The following CD5L variants were observed in gnomAD, a reference collection of about 807,000 sequenced individuals.
The protein encoded by CD5L is CD5 molecule like, also known as CD5 antigen-like.
CD5L carries 39 observed loss-of-function variants against 40.8 expected under a neutral mutation model. The observed-to-expected ratio is 0.96, with a 90% CI of 0.74 to 1.25. The LOEUF (loss-of-function observed/expected upper bound fraction) is 1.25, where lower values mean the gene tolerates loss of function less well. CD5L is among the 50% of genes most tolerant of loss of function. The pLI is 0.00. For missense variants in CD5L, 433 were observed against 435.9 expected (o/e 0.99, Z 0.06); for synonymous variants, 192 against 169.6 (o/e 1.13, Z -1.03).
rs181625545 is a variant in CD5L at position 157,835,635 on chromosome 1, G to T, written c.376+200C>A. 2.0e-5 allele frequency among the ~76,000 whole-genome samples: 3 copies of T among 152,286 alleles called. No individual in the cohort carries two copies. The East Asian group carries it at 5.8e-4, about 29-fold the overall frequency. ...GATTGAAACTAAGATGAAAGCATTT[G>T]CTCAACCAAGTAGGAATTGCAGTTC... On this transcript the variant is annotated intron_variant, in intron 3 of 5. Coordinates refer to ENST00000368174, the MANE Select transcript of CD5L (RefSeq NM_005894.3).
At chr1:157,829,432 A>G (rs566857525), downstream of CD5L, among the ~76,000 whole-genome samples, 14 of 152,326 alleles carry the variant, frequency 9.2e-5, no homozygotes, top group African/African-American at 2.9e-4. Context: ...ACCCACCTTC[A>G]CTAGACCTTT....
At chr1:157,833,701 G>T (rs1029697153) in intron 4 of CD5L, among the ~76,000 whole-genome samples, 189 bp from the exon 5 acceptor site, 1 of 151,526 alleles carries the variant, frequency 6.6e-6, no homozygotes, top group South Asian at 2.1e-4. Flanking sequence ...AACCTCGAGG[G>T]CCCTAGTGAT....
chr1:157,830,900 C>T (rs1024121961), downstream of CD5L: 21 of 969,446 alleles, frequency 2.2e-5, no homozygotes, highest in African/African-American at 1.9e-4. Flanking sequence ...GCATATCACA[C>T]AGAGAGGCAA....
chr1:157,834,563 G>C lies in CD5L; in HGVS notation c.562C>G (p.Gln188Glu). The change falls in exon 4 of 6, where the codon CAA (glutamine) becomes GAA (glutamate). Residue 188 changes from glutamine (Q) to glutamate (E), a missense_variant. Transcript: ENST00000368174. The part of the protein sequence containing the change: ...QLGCGRAVLT[Q>E]KRCNKHAYGR... ...TAGGCATGCTTGTTGCAGCGTTTTT[G>C]AGTCAGTACAGCCCTCCCACATCCC... The C allele has an allele frequency of 6.2e-7, 1 of 1,614,202 alleles. No individual in the cohort carries two copies. Among genetic ancestry groups the C allele is most frequent in the Non-Finnish European group, 8.5e-7 (1 of 1,180,020 alleles).
At chr1:157,832,691 G>A (rs1025133665) in intron 5 of CD5L, among the ~76,000 whole-genome samples, 2 of 152,164 alleles carry the variant, frequency 1.3e-5, no homozygotes, top group Non-Finnish European at 2.9e-5. Flanking sequence ...ATCTAGGAGT[G>A]ATGACAAATG....
At position 157,839,411 on chromosome 1, in the gene CD5L, C is replaced by T; in HGVS notation, c.29-1G>A. The T allele has an allele frequency of 6.2e-7, 1 of 1,612,922 alleles. No homozygotes were observed. The highest frequency in any genetic ancestry group is 1.1e-5 in the South Asian group (1 of 90,958). ...AGGAATCCAGGTCTGGTGCAAATGG[C>T]TGGGGAAGAAAGAAGGAAATGAGTG... is the stretch of plus-strand genomic sequence containing the variant. On this transcript the variant is annotated splice_acceptor_variant, in intron 1 of 5. Transcript: ENST00000368174. LOFTEE classifies it high-confidence loss of function.
At chr1:157,829,161 G>A (rs1395104304), downstream of CD5L, among the ~76,000 whole-genome samples, 1 of 152,214 alleles carries the variant, frequency 6.6e-6, no homozygotes, top group Non-Finnish European at 1.5e-5. Flanking sequence ...CATGAGATGA[G>A]GTTGGAGGAG....
In CD5L at chr1:157,834,555, G is replaced by A; in HGVS notation, c.570C>T (p.Arg190=). The change falls in exon 4 of 6, where the codon CGC becomes CGT. Residue 190 remains arginine, a synonymous_variant. Coordinates refer to ENST00000368174, the MANE Select transcript of CD5L (RefSeq NM_005894.3). ...GCGRAVLTQK[R]CNKHAYGRKP... is the part of the protein sequence containing the mutation. ...TTCGGCCATAGGCATGCTTGTTGCA[G>A]CGTTTTTGAGTCAGTACAGCCCTCC... 2 of 1,614,190 alleles carry A rather than the reference G, an allele frequency of 1.2e-6. No individual in the cohort carries two copies. Among genetic ancestry groups the A allele is most frequent in the Middle Eastern group, 1.6e-4 (1 of 6,062 alleles).
chr1:157,829,514 T>C (rs949795665), downstream of CD5L, among the ~76,000 whole-genome samples: 6 of 152,178 alleles, frequency 3.9e-5, no homozygotes, highest in Admixed American at 2.0e-4. Flanking sequence ...ATTGGGCATT[T>C]ATACAACCAG....
rs1198233146 is a variant in CD5L, at chr1:157,831,118, A to C, written c.*846T>G. On this transcript the variant is annotated 3_prime_UTR_variant, in exon 6 of 6. Transcript: ENST00000368174. ...ATGATATTTTTCACTTTCGCTTGGC[A>C]TAAGACACAACTTTAGCCCTCCCTG... 1.0e-6 allele frequency: 1 copy of C among 985,292 alleles called. No individual in the cohort carries two copies. Among genetic ancestry groups the C allele is most frequent in the Non-Finnish European group, 1.2e-6 (1 of 829,912 alleles). 61.0% of individuals were successfully genotyped at this position (985,292 alleles called of 1,614,324 possible).
intron 5 of CD5L, 151 bp from the exon 6 acceptor site, chr1:157,832,119 G>C (rs1656066936): frequency 7.4e-6 from 4 of 538,324 alleles, no homozygotes; most frequent in Non-Finnish European, 1.3e-5. Context: ...ATGTGAGCCA[G>C]GCCAGAACCT....
chr1:157,832,924 T>A (rs2765499), intron 5 of CD5L, among the ~76,000 whole-genome samples: 96,376 of 152,012 alleles, frequency 0.63, 31,449 homozygotes, highest in South Asian at 0.79. Context: ...TCAGAACGCC[T>A]CTTGTTTTTA....
At chr1:157,838,606 G>T (rs1557942679) in intron 2 of CD5L, among the ~76,000 whole-genome samples, 2 of 151,548 alleles carry the variant, frequency 1.3e-5, no homozygotes, top group African/African-American at 4.9e-5. Context: ...AGGGAAAGAA[G>T]AAATAAATAA....
chr1:157,837,574 T>C (rs978090022), intron 2 of CD5L, among the ~76,000 whole-genome samples: 1 of 152,126 alleles, frequency 6.6e-6, no homozygotes, highest in South Asian at 2.1e-4. Context: ...TGGAAGTCTA[T>C]GGCCTATTGG....
intron 2 of CD5L, 117 bp downstream of exon 2, chr1:157,839,267 G>A: frequency 1.0e-6 from 1 of 972,626 alleles, no homozygotes; most frequent in Non-Finnish European, 1.6e-6. Flanking sequence ...TAGGAAGCCA[G>A]AAAGGAAGTC....
At chr1:157,836,767 AT>A (rs1286216710) in intron 2 of CD5L, among the ~76,000 whole-genome samples, 3 of 152,172 alleles carry the variant, frequency 2.0e-5, no homozygotes, top group Non-Finnish European at 4.4e-5. Flanking sequence ...TTCCTATGAA[AT>A]TGTTCCTTGT....
Position 157,833,231 on chromosome 1 carries a change from C to A in CD5L, c.1000G>T (p.Asp334Tyr). 6.2e-7 allele frequency: 1 copy of A among 1,614,076 alleles called. No individual in the cohort carries two copies. The highest frequency in any genetic ancestry group is 1.1e-5 in the South Asian group (1 of 91,056). The change falls in exon 5 of 6, where the codon GAC (aspartate) becomes TAC (tyrosine). Residue 334 changes from aspartate (D) to tyrosine (Y), a missense_variant. Physicochemically the swap from Asp to Tyr is radical, Grantham distance 160. Coordinates refer to ENST00000368174, the MANE Select transcript of CD5L (RefSeq NM_005894.3). ...QCQHRFWGFHDCTHQEDVAVI... is the reference protein window; with the variant it reads ...QCQHRFWGFHYCTHQEDVAVI... ...GCCACATCTTCCTGGTGGGTGCAGTCGTGAAACCCCCAAAATCTGTGCTGG... is the reference window on the plus strand; with the variant it reads ...GCCACATCTTCCTGGTGGGTGCAGTAGTGAAACCCCCAAAATCTGTGCTGG...
rs115284864 is a variant in CD5L, at chr1:157,832,715, C to T, written c.1039+477G>A. Among the ~76,000 whole-genome samples, 1,012 of 152,238 alleles carry T rather than the reference C, an allele frequency of 6.6e-3. 9 individuals are homozygous for T. The highest frequency in any genetic ancestry group is 0.023 in the African/African-American group (946 of 41,524). ...TGATGACAAATGGAATGAGGTAGAACCCTCTTTGATAGTTTAACTTAGAGT... is the reference window on the plus strand; with the variant it reads ...TGATGACAAATGGAATGAGGTAGAATCCTCTTTGATAGTTTAACTTAGAGT... On this transcript the variant is annotated intron_variant, in intron 5 of 5. Coordinates refer to ENST00000368174, the MANE Select transcript of CD5L (RefSeq NM_005894.3).
At position 157,830,941 on chromosome 1, in the gene CD5L, A is replaced by G. The variant is rs969856507; in HGVS notation, c.*1023T>C. On this transcript the variant is annotated 3_prime_UTR_variant, in exon 6 of 6. Coordinates refer to ENST00000368174, the MANE Select transcript of CD5L (RefSeq NM_005894.3). Reference sequence around the variant, plus strand: ...GAGACTGTGAAATCTGATTTATTAGATAAGTGTAAATGTGTAAATGTAGCC... The same window carrying G: ...GAGACTGTGAAATCTGATTTATTAGGTAAGTGTAAATGTGTAAATGTAGCC... The G allele has an allele frequency of 6.1e-6, 6 of 985,126 alleles. No individual in the cohort carries two copies. Among genetic ancestry groups the G allele is most frequent in the Non-Finnish European group, 6.0e-6 (5 of 829,620 alleles). The allele number at this position is 985,126 out of a possible 1,614,324, so 61.0% of individuals were successfully genotyped here.
Sources: gnomAD v4.1 joint callset for allele counts (sites outside exome capture counted in the v4.1 genomes callset) on GRCh38, gnomAD v4.1.1 for gene constraint, MANE v1.5 for transcripts, NCBI Gene and HGNC (gene_info 2026-07-23, HGNC 2026-07-21) for gene names.